Variants in MARCHF11 observed in about 807,000 individuals in gnomAD.
The protein encoded by MARCHF11 is E3 ubiquitin-protein ligase MARCHF11.
In MARCHF11, 29 loss-of-function variants were observed where a neutral mutation model predicts 37.3. The observed-to-expected ratio is 0.78, with a 90% confidence interval of 0.58 to 1.06. The LOEUF is 1.06. MARCHF11 is among the 50% of genes least tolerant of loss of function. The probability of loss-of-function intolerance (pLI) is 0.00; values close to 1 mark genes in which losing one functional copy is unlikely to be tolerated. For missense variants in MARCHF11, 482 were observed against 533.4 expected (o/e 0.90, Z 0.95); for synonymous variants, 233 against 228.0 (o/e 1.02, Z -0.20).
intron 2 of MARCHF11, among the ~76,000 whole-genome samples, chr5:16,157,878 C>T (rs930280056): frequency 1.3e-5 from 2 of 151,864 alleles, no homozygotes; most frequent in African/African-American, 4.8e-5. Context: ...AGTAAACAAC[C>T]AACAGAGTGA....
intron 3 of MARCHF11, among the ~76,000 whole-genome samples, chr5:16,073,195 G>C (rs1486589228): frequency 6.6e-6 from 1 of 152,134 alleles, no homozygotes; most frequent in Non-Finnish European, 1.5e-5. Flanking sequence ...TAATAAACTG[G>C]TGCCACTTTT....
intron 3 of MARCHF11, among the ~76,000 whole-genome samples, chr5:16,077,151 T>C (rs1450508613): frequency 2.0e-5 from 3 of 152,184 alleles, no homozygotes; most frequent in East Asian, 1.9e-4. Flanking sequence ...TCTGTGTTAA[T>C]TTAAGGTTTT....
chr5:16,067,823 A>T, intron 3 of MARCHF11, 30 bp from the exon 4 acceptor site: 1 of 1,572,602 alleles, frequency 6.4e-7, no homozygotes, highest in South Asian at 1.2e-5. Flanking sequence ...AAAACCAAAA[A>T]GACTGGTGAT....
At chr5:16,130,255 C>CACAA (rs537698559) in intron 2 of MARCHF11, among the ~76,000 whole-genome samples, 47 of 141,148 alleles carry the variant, frequency 3.3e-4, no homozygotes, top group Middle Eastern at 3.4e-3. Context: ...GGTACATACA[C>CACAA]ACACACACAC....
At chr5:16,157,317 A>G (rs1300464046) in intron 2 of MARCHF11, among the ~76,000 whole-genome samples, 4 of 151,974 alleles carry the variant, frequency 2.6e-5, no homozygotes, top group African/African-American at 9.7e-5. Flanking sequence ...GTCCAATGTC[A>G]TTCTTCACTT....
intron 2 of MARCHF11, among the ~76,000 whole-genome samples, chr5:16,136,829 G>A (rs1041491789): frequency 1.3e-5 from 2 of 152,108 alleles, no homozygotes; most frequent in African/African-American, 4.8e-5. Flanking sequence ...AGAAAGGATG[G>A]AAGGTGGAAA....
At chr5:16,100,985 C>A (rs1736945225) in intron 2 of MARCHF11, among the ~76,000 whole-genome samples, 1 of 151,934 alleles carries the variant, frequency 6.6e-6, no homozygotes, top group African/African-American at 2.4e-5. Context: ...GGAGCAACAA[C>A]TATTTGGACT....
At chr5:16,162,548 C>T (rs1270598676) in intron 2 of MARCHF11, among the ~76,000 whole-genome samples, 1 of 151,940 alleles carries the variant, frequency 6.6e-6, no homozygotes, top group Admixed American at 6.6e-5. Flanking sequence ...TTAACAATAT[C>T]TCTCAACAAT....
Position 16,067,748 on chromosome 5 carries a change from C to G in MARCHF11, c.932G>C (p.Arg311Pro). 1 of 1,613,690 alleles carries G rather than the reference C, an allele frequency of 6.2e-7. No individual in the cohort carries two copies. The highest frequency in any genetic ancestry group is 8.5e-7 in the Non-Finnish European group (1 of 1,179,808). ...CCAGTGCAAATTCACAGCTCGCCAG[C>G]GCTTAAACACTCTGTAAACTGCAGC... ...EGAAVYRVFK[R>P]WRAVNLHWDV... Residue 311 changes from arginine (R) to proline (P), a missense_variant, in exon 4 of 4, where the codon CGC (arginine) becomes CCC (proline). Transcript: ENST00000332432.
At chr5:16,121,060 T>G (rs1737301559) in intron 2 of MARCHF11, among the ~76,000 whole-genome samples, 1 of 152,244 alleles carries the variant, frequency 6.6e-6, no homozygotes, top group Non-Finnish European at 1.5e-5. Context: ...GCACACTGAC[T>G]TCCTTACTGT....
At chr5:16,160,520 T>C (rs968320114) in intron 2 of MARCHF11, among the ~76,000 whole-genome samples, 8 of 150,908 alleles carry the variant, frequency 5.3e-5, no homozygotes, top group South Asian at 2.1e-4. Flanking sequence ...CAGCTATACA[T>C]TGGACAATCA....
At chr5:16,071,544 T>C (rs1310453656) in intron 3 of MARCHF11, among the ~76,000 whole-genome samples, 3 of 152,238 alleles carry the variant, frequency 2.0e-5, no homozygotes, top group Non-Finnish European at 4.4e-5. Flanking sequence ...AGTGTGTTAC[T>C]TGAAATTCTT....
intron 2 of MARCHF11, among the ~76,000 whole-genome samples, chr5:16,127,277 C>T (rs555255843): frequency 1.9e-4 from 29 of 152,238 alleles, no homozygotes; most frequent in Admixed American, 1.7e-3. Flanking sequence ...GTTGGTGCAA[C>T]GTGACTAAGT....
chr5:16,068,223 C>A (rs1269175190), intron 3 of MARCHF11, among the ~76,000 whole-genome samples: 3 of 152,184 alleles, frequency 2.0e-5, no homozygotes, highest in South Asian at 4.1e-4. Context: ...AATGTCATTA[C>A]AGATACTAAG....
intron 2 of MARCHF11, among the ~76,000 whole-genome samples, chr5:16,161,276 C>G (rs1211243889): frequency 1.4e-5 from 2 of 147,840 alleles, no homozygotes; most frequent in Non-Finnish European, 3.0e-5. Context: ...GAAACCCAGA[C>G]AAGGCCTCCA....
rs185812481 is a variant in MARCHF11 at position 16,109,655 on chromosome 5, G to A, written c.694-18574C>T. Among the ~76,000 whole-genome samples, 450 of 152,312 alleles carry A rather than the reference G, an allele frequency of 3.0e-3. 6 individuals carry two copies. The highest frequency in any genetic ancestry group is 9.8e-3 in the African/African-American group (406 of 41,568). On this transcript the variant is annotated intron_variant, in intron 2 of 3. Transcript: ENST00000332432. ...TAGCTAACAACTGGACCCAAGGCAG[G>A]TGGGGGGAGGCATGGAAACCCACAA...
At chr5:16,132,541 C>G (rs1033456839) in intron 2 of MARCHF11, among the ~76,000 whole-genome samples, 1 of 152,036 alleles carries the variant, frequency 6.6e-6, no homozygotes, top group Non-Finnish European at 1.5e-5. Context: ...AGGCAAACTA[C>G]CAGGATAATG....
At chr5:16,082,217 G>A (rs1276930930) in intron 3 of MARCHF11, among the ~76,000 whole-genome samples, 1 of 152,214 alleles carries the variant, frequency 6.6e-6, no homozygotes, top group African/African-American at 2.4e-5. Context: ...ACTCCTGTTG[G>A]AGGATAAGCT....
At chr5:16,135,255 T>C (rs1302319905) in intron 2 of MARCHF11, among the ~76,000 whole-genome samples, 1 of 152,098 alleles carries the variant, frequency 6.6e-6, no homozygotes, top group Non-Finnish European at 1.5e-5. Flanking sequence ...TGCTGGGTCA[T>C]TTACAGAGGA....
Sources: gnomAD v4.1 joint callset for allele counts (sites outside exome capture counted in the v4.1 genomes callset) on GRCh38, gnomAD v4.1.1 for gene constraint, MANE v1.5 for transcripts, NCBI Gene and HGNC (gene_info 2026-07-23, HGNC 2026-07-21) for gene names.